The following DCAF8L2 variants were observed in gnomAD, a reference collection of about 807,000 sequenced individuals.
DCAF8L2 encodes the protein DDB1- and CUL4-associated factor 8-like protein 2.
For missense variants in DCAF8L2, 430 were observed against 490.7 expected (o/e 0.88, Z 1.17); for synonymous variants, 200 against 190.9 (o/e 1.05, Z -0.39).
chrX:27,607,152 A>G (rs913726109), intron 1 of DCAF8L2, among the ~76,000 whole-genome samples: 1 of 112,036 alleles, frequency 8.9e-6, no homozygotes, highest in African/African-American at 3.2e-5. Flanking sequence ...AATACAACTG[A>G]TAATGTTTAT....
At chrX:27,696,088 A>C (rs1240432180) in intron 3 of DCAF8L2, among the ~76,000 whole-genome samples, 1 of 107,963 alleles carries the variant, frequency 9.3e-6, no homozygotes, top group African/African-American at 3.4e-5. Flanking sequence ...AATACCAGCT[A>C]TTCGGGAGGC....
At chrX:27,736,091 T>C (rs1921501930) in intron 4 of DCAF8L2, among the ~76,000 whole-genome samples, 1 of 110,765 alleles carries the variant, frequency 9.0e-6, no homozygotes, top group African/African-American at 3.3e-5. Flanking sequence ...GGAATTCATA[T>C]TCAAAATGAA....
At chrX:27,528,072 TAATTA>T in the DCAF8L2 span, among the ~76,000 whole-genome samples, 275 of 80,593 alleles carry the variant, frequency 3.4e-3, no homozygotes, top group Non-Finnish European at 4.2e-3. Flanking sequence ...ATTTTTAATT[TAATTA>T]AATTAATTAT....
chrX:27,515,100 T>A, the DCAF8L2 span, among the ~76,000 whole-genome samples: 1 of 112,219 alleles, frequency 8.9e-6, no homozygotes, highest in African/African-American at 3.2e-5. Flanking sequence ...TTGATTGTTA[T>A]ATAATATATA....
chrX:27,722,512 T>C (rs1931933717), intron 4 of DCAF8L2, among the ~76,000 whole-genome samples: 1 of 111,563 alleles, frequency 9.0e-6, no homozygotes. Context: ...GTAGAAAGCA[T>C]ACTTCAAATT....
chrX:27,552,597 G>T, the DCAF8L2 span, among the ~76,000 whole-genome samples: 5 of 111,672 alleles, frequency 4.5e-5, no homozygotes, highest in African/African-American at 1.6e-4. Flanking sequence ...TCAAAAATCA[G>T]TTGGCTCTAG....
In DCAF8L2 at chrX:27,747,302, A is replaced by G. The variant is rs1380723288; in HGVS notation, c.407A>G (p.Glu136Gly). ...GAGGAAGAGGAGGAGGAGGAGGAGG[A>G]GGAGGAGGAGGAGGAGGAGGAGGAG... ...EEEEEEEEEE[E>G]EEEEEEEEEE... is the part of the protein sequence containing the mutation. The change falls in exon 5 of 5, where the codon GAG becomes GGG. Residue 136 changes from glutamate (E) to glycine (G), a missense_variant. Physicochemically the swap from Glu to Gly is moderately conservative, Grantham distance 98. Coordinates refer to ENST00000451261, the MANE Select transcript of DCAF8L2 (RefSeq NM_001353450.2). 4.5e-6 allele frequency: 5 copies of G among 1,099,910 alleles called. No homozygotes were observed. The highest frequency in any genetic ancestry group is 2.8e-5 in the Admixed American group (1 of 35,984). The allele number at this position is 1,099,910 out of a possible 1,213,427, so 90.6% of individuals were successfully genotyped here.
intron 1 of DCAF8L2, among the ~76,000 whole-genome samples, chrX:27,616,860 G>A (rs1482788860): frequency 9.0e-6 from 1 of 111,253 alleles, no homozygotes; most frequent in East Asian, 2.8e-4. Context: ...AAAATATTGG[G>A]GGCAAGATTA....
rs74497042 is a variant in DCAF8L2 at position 27,653,828 on chromosome X, TTA to T, written c.-220+21830_-220+21831del. 4.1e-4 allele frequency among the ~76,000 whole-genome samples: 45 copies of T among 110,110 alleles called. No homozygotes were observed. In the East Asian group the frequency reaches 8.9e-3, roughly 22 times the overall value. ...CAGTTAGTGAATATTCCTGAGAGGA[TTA>T]TGTTTTTTCTTCCTTTAATTAGAAA... On this transcript the variant is annotated intron_variant, in intron 2 of 4. Coordinates refer to ENST00000451261, the MANE Select transcript of DCAF8L2 (RefSeq NM_001353450.2).
the DCAF8L2 span, among the ~76,000 whole-genome samples, chrX:27,474,066 G>A: frequency 1.8e-5 from 2 of 110,855 alleles, no homozygotes; most frequent in Middle Eastern, 4.7e-3. Flanking sequence ...GACTATAAAT[G>A]TGTCCCTCGG....
the DCAF8L2 span, among the ~76,000 whole-genome samples, chrX:27,471,077 CAGTT>C: frequency 9.0e-6 from 1 of 111,571 alleles, no homozygotes; most frequent in Non-Finnish European, 1.9e-5. Flanking sequence ...GGCAAAATCA[CAGTT>C]GGTTGAGAAT....
At chrX:27,664,680 A>G (rs1327938819) in intron 2 of DCAF8L2, among the ~76,000 whole-genome samples, 1 of 112,152 alleles carries the variant, frequency 8.9e-6, no homozygotes, top group African/African-American at 3.2e-5. Context: ...TCAAAGCTTC[A>G]AAGAACATAC....
intron 1 of DCAF8L2, among the ~76,000 whole-genome samples, chrX:27,608,460 T>G (rs964810549): frequency 3.6e-5 from 4 of 111,864 alleles, no homozygotes; most frequent in African/African-American, 1.3e-4. Context: ...ATCATTTTAC[T>G]TTTTGCTTTA....
the DCAF8L2 span, among the ~76,000 whole-genome samples, chrX:27,565,832 A>G: frequency 9.0e-6 from 1 of 110,528 alleles, no homozygotes; most frequent in Non-Finnish European, 1.9e-5. Context: ...AGAGTTGACT[A>G]CAAAGGTTTT....
At chrX:27,662,168 G>A (rs961209451) in intron 2 of DCAF8L2, among the ~76,000 whole-genome samples, 1 of 111,158 alleles carries the variant, frequency 9.0e-6, no homozygotes, top group Non-Finnish European at 1.9e-5. Context: ...AGAAGAGCAA[G>A]AGATAGAGAA....
At chrX:27,658,588 T>G (rs923061430) in intron 2 of DCAF8L2, among the ~76,000 whole-genome samples, 1 of 112,417 alleles carries the variant, frequency 8.9e-6, no homozygotes, top group African/African-American at 3.2e-5. Flanking sequence ...TCTTGCTAAA[T>G]GCAAACCTGA....
the DCAF8L2 span, among the ~76,000 whole-genome samples, chrX:27,469,784 T>A: frequency 9.0e-6 from 1 of 110,574 alleles, no homozygotes; most frequent in Admixed American, 9.7e-5. Context: ...TTCTCTTTTT[T>A]TTTTTTTTGA....
the DCAF8L2 span, among the ~76,000 whole-genome samples, chrX:27,477,193 A>G: frequency 4.4e-5 from 5 of 112,640 alleles, no homozygotes; most frequent in African/African-American, 6.5e-5. Context: ...ACTGACCTGG[A>G]CAGGTCTGGA....
intron 2 of DCAF8L2, among the ~76,000 whole-genome samples, chrX:27,648,071 A>C (rs979810880): frequency 9.0e-6 from 1 of 111,357 alleles, no homozygotes; most frequent in African/African-American, 3.3e-5. Context: ...ACTTCATATC[A>C]AGATTCCCTG....
Sources: allele counts gnomAD v4.1 joint callset (sites outside exome capture counted in the v4.1 genomes callset), GRCh38; gene constraint gnomAD v4.1.1; transcripts MANE v1.5; gene names NCBI Gene and HGNC (gene_info 2026-07-23, HGNC 2026-07-21).